GRM7: variants seen among roughly 807,000 people sequenced by gnomAD.
GRM7 encodes glutamate metabotropic receptor 7.
GRM7 carries 35 observed loss-of-function variants against 84.5 expected under a neutral mutation model. The ratio of observed to expected loss-of-function variants is 0.41; its 90% CI spans 0.32 to 0.55. The LOEUF is 0.55. Among genes scored for constraint, GRM7 ranks in the 20% least tolerant of loss-of-function variants. The pLI, the probability that GRM7 is intolerant of heterozygous loss-of-function variation, is 0.19. For missense variants in GRM7, 1,003 were observed against 1,194.6 expected, an observed-to-expected ratio of 0.84 and a Z score of 2.36; for synonymous variants, 487 against 455.1, an observed-to-expected ratio of 1.07 and a Z score of -0.89.
intron 2 of GRM7, among the ~76,000 whole-genome samples, chr3:7,150,967 G>A (rs941258107): frequency 9.2e-5 from 14 of 152,100 alleles, no homozygotes; most frequent in Non-Finnish European, 1.2e-4. Flanking sequence ...AGCACAAATA[G>A]TAACAACTGT....
At chr3:7,148,776 A>T (rs1435194508) in intron 2 of GRM7, among the ~76,000 whole-genome samples, 3 of 152,180 alleles carry the variant, frequency 2.0e-5, no homozygotes, top group Non-Finnish European at 4.4e-5. Context: ...CCAGCTAAAA[A>T]ATAAGGATTC....
intron 2 of GRM7, among the ~76,000 whole-genome samples, chr3:7,182,546 T>C (rs1161803130): frequency 6.6e-6 from 1 of 152,180 alleles, no homozygotes; most frequent in African/African-American, 2.4e-5. Context: ...AATCTAGCAG[T>C]TTATGTTTCT....
At position 7,480,695 on chromosome 3, in the gene GRM7, A is replaced by G. The variant is rs535119583; in HGVS notation, c.1515+18973A>G. On this transcript the variant is annotated intron_variant, in intron 7 of 9. Transcript: ENST00000357716. ...ACTATTGCAGATTTGAATTGTGGGT[A>G]TTGCTAGTGTTTAATGTAGGGCTTC... 6.6e-5 allele frequency among the ~76,000 whole-genome samples: 10 copies of G among 152,278 alleles called. 1 individual carries two copies. In the South Asian group the frequency reaches 2.1e-3, roughly 32 times the overall value.
At chr3:7,000,756 G>A (rs1191605136) in intron 1 of GRM7, among the ~76,000 whole-genome samples, 1 of 152,038 alleles carries the variant, frequency 6.6e-6, no homozygotes, top group Non-Finnish European at 1.5e-5. Flanking sequence ...TACTCTTTAG[G>A]ACAGCCATTA....
chr3:6,948,870 A>G (rs928839525), intron 1 of GRM7, among the ~76,000 whole-genome samples: 5 of 152,138 alleles, frequency 3.3e-5, no homozygotes, highest in Non-Finnish European at 7.3e-5. Context: ...CAAGACTAAG[A>G]TTGCAACCCC....
chr3:7,186,085 C>T lies in GRM7; in HGVS notation c.736+39417C>T, dbSNP rs925103875. Among the ~76,000 whole-genome samples, 5 of 152,158 alleles carry T rather than the reference C, an allele frequency of 3.3e-5. No homozygotes were observed. The South Asian group carries it at 6.2e-4, about 19-fold the overall frequency. On this transcript the variant is annotated intron_variant, in intron 2 of 9. Transcript: ENST00000357716. ...GGCTGCTTAGCATAGATATGTCTTCCGTCATCAGCAGACAAAGCCTACTCT... is the reference window on the plus strand; with the variant it reads ...GGCTGCTTAGCATAGATATGTCTTCTGTCATCAGCAGACAAAGCCTACTCT...
chr3:7,426,116 T>G (rs1383943155), intron 5 of GRM7, among the ~76,000 whole-genome samples: 1 of 99,346 alleles, frequency 1.0e-5, no homozygotes, highest in African/African-American at 5.4e-5. Context: ...CTTTCTTTCT[T>G]TTTCTTTTTC....
intron 5 of GRM7, among the ~76,000 whole-genome samples, chr3:7,424,318 A>G (rs1312626750): frequency 1.3e-5 from 2 of 152,142 alleles, no homozygotes; most frequent in East Asian, 1.9e-4. Context: ...GGAAAAAGAA[A>G]AAAGAAAAGT....
At chr3:7,655,227 T>C (rs1013345495) in intron 8 of GRM7, among the ~76,000 whole-genome samples, 1 of 152,184 alleles carries the variant, frequency 6.6e-6, no homozygotes, top group African/African-American at 2.4e-5. Context: ...AAATGAGATG[T>C]ATAGTTGAAT....
At chr3:7,344,830 G>A (rs1248604482) in intron 4 of GRM7, among the ~76,000 whole-genome samples, 21 of 152,082 alleles carry the variant, frequency 1.4e-4, no homozygotes, top group Admixed American at 1.4e-3. Flanking sequence ...TAGCTAGAGA[G>A]GAGGAACAAG....
At chr3:7,352,057 C>T (rs374451904) in intron 4 of GRM7, among the ~76,000 whole-genome samples, 2 of 136,894 alleles carry the variant, frequency 1.5e-5, no homozygotes, top group South Asian at 4.9e-4. Flanking sequence ...CACACACACA[C>T]CACACACACA....
At chr3:7,600,796 A>G (rs1418534291) in intron 8 of GRM7, among the ~76,000 whole-genome samples, 2 of 152,178 alleles carry the variant, frequency 1.3e-5, no homozygotes, top group Admixed American at 1.3e-4. Context: ...AGGCACATTC[A>G]TTTCAAAAGC....
At chr3:7,540,153 CT>C (rs1038447839) in intron 7 of GRM7, among the ~76,000 whole-genome samples, 5 of 152,088 alleles carry the variant, frequency 3.3e-5, no homozygotes, top group African/African-American at 1.2e-4. Flanking sequence ...TGAACGGTTG[CT>C]TTAGGAAACA....
intron 1 of GRM7, among the ~76,000 whole-genome samples, chr3:6,924,050 A>G (rs754035845): frequency 6.6e-6 from 1 of 152,226 alleles, no homozygotes. Context: ...CTTTATAGCA[A>G]TGTGTACCTC....
intron 2 of GRM7, among the ~76,000 whole-genome samples, chr3:7,196,862 A>G (rs923009319): frequency 5.3e-5 from 8 of 152,158 alleles, no homozygotes; most frequent in African/African-American, 1.9e-4. Context: ...CACTGTGTTC[A>G]CTTTATGTCA....
chr3:7,596,167 G>A (rs1328004705), intron 8 of GRM7, among the ~76,000 whole-genome samples: 1 of 152,152 alleles, frequency 6.6e-6, no homozygotes, highest in Middle Eastern at 3.2e-3. Context: ...TGCTATATAA[G>A]GTACAAACAA....
chr3:7,263,660 G>A (rs1033499485), intron 2 of GRM7, among the ~76,000 whole-genome samples: 1 of 152,186 alleles, frequency 6.6e-6, no homozygotes, highest in African/African-American at 2.4e-5. Context: ...TCATGTGGGT[G>A]GTAGTGGCTA....
chr3:7,543,040 C>A (rs762963420), intron 7 of GRM7, among the ~76,000 whole-genome samples: 4 of 152,112 alleles, frequency 2.6e-5, no homozygotes, highest in Non-Finnish European at 4.4e-5. Flanking sequence ...GTGCTTATCA[C>A]AAGAAGTTTT....
intron 2 of GRM7, among the ~76,000 whole-genome samples, chr3:7,158,360 C>G (rs1472733842): frequency 6.6e-6 from 1 of 152,058 alleles, no homozygotes; most frequent in Non-Finnish European, 1.5e-5. Flanking sequence ...AAGCCAGTCC[C>G]TGCCCAACAA....
Sources: allele counts gnomAD v4.1 joint callset (sites outside exome capture counted in the v4.1 genomes callset), GRCh38; gene constraint gnomAD v4.1.1; transcripts MANE v1.5; gene names NCBI Gene and HGNC (gene_info 2026-07-23, HGNC 2026-07-21).